The following NXN variants were observed in gnomAD, a reference collection of about 807,000 sequenced individuals.
The protein encoded by NXN is nucleoredoxin.
Under a neutral mutation model 48.6 loss-of-function variants are expected in NXN, and 16 were observed. That is an observed-to-expected ratio of 0.33 (90% CI 0.22 to 0.50). The LOEUF (loss-of-function observed/expected upper bound fraction) is 0.50. NXN is among the 20% of genes least tolerant of loss of function. NXN has a pLI of 0.98. For missense variants in NXN, 492 were observed against 605.5 expected (o/e 0.81, Z 1.97); for synonymous variants, 281 against 269.6 (o/e 1.04, Z -0.41).
intron 1 of NXN, among the ~76,000 whole-genome samples, chr17:886,482 G>A (rs1015202989): frequency 6.6e-6 from 1 of 152,150 alleles, no homozygotes. Context: ...CGCTCCACGG[G>A]AACCAACACC....
At chr17:844,113 C>A (rs990427559) in intron 1 of NXN, among the ~76,000 whole-genome samples, 6 of 149,686 alleles carry the variant, frequency 4.0e-5, no homozygotes, top group Non-Finnish European at 8.9e-5. Context: ...TGCCGTCCTG[C>A]CTCTCCTTAA....
chr17:951,581 G>A (rs2069111438), intron 1 of NXN, among the ~76,000 whole-genome samples: 1 of 151,108 alleles, frequency 6.6e-6, no homozygotes, highest in African/African-American at 2.4e-5. Context: ...GGGGGTTGGG[G>A]GCGGGAGGGT....
chr17:931,877 C>T (rs1446970904), intron 1 of NXN, among the ~76,000 whole-genome samples: 1 of 147,970 alleles, frequency 6.8e-6, no homozygotes, highest in Non-Finnish European at 1.5e-5. Context: ...GGCGCAGTGG[C>T]TCACGCCTGT....
In NXN at chr17:932,953, C is replaced by CA. The variant is rs55766590; in HGVS notation, c.360+46365_360+46366insT. On this transcript the variant is annotated intron_variant, in intron 1 of 7. Coordinates refer to ENST00000336868, the MANE Select transcript of NXN (RefSeq NM_022463.5). The surrounding 1 kb of genome is among the most constrained non-coding windows in gnomAD (Gnocchi z 4.1). ...GTGAGCCACCGCGCCCAGCCCAGCCCGTCCTCTTGAACCTGCTCAGTTTCA... is the reference window on the plus strand; with the variant it reads ...GTGAGCCACCGCGCCCAGCCCAGCCCAGTCCTCTTGAACCTGCTCAGTTTCA... Among the ~76,000 whole-genome samples the CA allele has an allele frequency of 2.5e-4, 38 of 152,262 alleles. No homozygotes were observed. The highest frequency in any genetic ancestry group is 7.2e-4 in the Admixed American group (11 of 15,288).
chr17:839,541 C>A (rs1202642289), intron 1 of NXN, among the ~76,000 whole-genome samples: 2 of 151,390 alleles, frequency 1.3e-5, no homozygotes, highest in African/African-American at 4.9e-5. Context: ...GTATGCACGG[C>A]AGCTCACGCC....
chr17:940,485 C>G (rs2068958997), intron 1 of NXN, among the ~76,000 whole-genome samples: 1 of 152,220 alleles, frequency 6.6e-6, no homozygotes, highest in African/African-American at 2.4e-5. Context: ...AACGCAATGT[C>G]TCTGTTAAAA....
chr17:802,475 T>G (rs1489329406), intron 7 of NXN, among the ~76,000 whole-genome samples: 1 of 152,216 alleles, frequency 6.6e-6, no homozygotes, highest in Non-Finnish European at 1.5e-5. Flanking sequence ...TGCGGCTCTG[T>G]GCCTGGCGTA....
intron 1 of NXN, among the ~76,000 whole-genome samples, chr17:894,562 C>T (rs1279178076): frequency 1.3e-5 from 1 of 78,386 alleles, no homozygotes; most frequent in Non-Finnish European, 2.6e-5. Flanking sequence ...TCTCAAACGC[C>T]CTGGAAGCCA....
At chr17:822,802 T>A in intron 3 of NXN, among the ~76,000 whole-genome samples, 1 of 152,066 alleles carries the variant, frequency 6.6e-6, no homozygotes, top group East Asian at 1.9e-4. Context: ...TCCACATGGA[T>A]TGAGAGAAAT....
At chr17:876,450 A>G (rs1567844266) in intron 1 of NXN, among the ~76,000 whole-genome samples, 1 of 152,184 alleles carries the variant, frequency 6.6e-6, no homozygotes, top group South Asian at 2.1e-4. Flanking sequence ...GCTCATGACC[A>G]CATCCCCTAT....
chr17:892,859 C>A (rs2068438179), intron 1 of NXN, among the ~76,000 whole-genome samples: 1 of 152,146 alleles, frequency 6.6e-6, no homozygotes, highest in South Asian at 2.1e-4. Context: ...AACAATAAAC[C>A]CTAAGGTAAG....
In NXN at chr17:805,110, C is replaced by A; in HGVS notation, c.958G>T (p.Ala320Ser). 6.2e-7 allele frequency: 1 copy of A among 1,609,548 alleles called. No individual in the cohort carries two copies. Among genetic ancestry groups the A allele is most frequent in the Non-Finnish European group, 8.5e-7 (1 of 1,178,562 alleles). ...CAGGGGCCCTCGTTAAGCTGCGCGGCGTTGGAGTCGGAGAGCTCCAGCACG... is the reference window on the plus strand; with the variant it reads ...CAGGGGCCCTCGTTAAGCTGCGCGGAGTTGGAGTCGGAGAGCTCCAGCACG... The part of the protein sequence containing the change: ...KPVLELSDSN[A>S]AQLNEGPCLV... The change falls in exon 6 of 8, where the codon GCC becomes TCC. Residue 320 changes from alanine (A) to serine (S), a missense_variant. By Grantham distance (99) the Ala-to-Ser change is moderately conservative. Transcript: ENST00000336868.
At chr17:834,454 G>A (rs1035697950) in intron 1 of NXN, among the ~76,000 whole-genome samples, 3 of 151,698 alleles carry the variant, frequency 2.0e-5, no homozygotes, top group African/African-American at 7.3e-5. Flanking sequence ...TTGCTCTGTT[G>A]CCCAGGCTGG....
chr17:860,348 T>C (rs1393934464), intron 1 of NXN, among the ~76,000 whole-genome samples: 9 of 134,702 alleles, frequency 6.7e-5, no homozygotes, highest in African/African-American at 2.5e-4. Context: ...GGTCTTGAAC[T>C]CCTGACCTCA....
chr17:893,301 T>C lies in NXN; in HGVS notation c.361-67223A>G, dbSNP rs1207849418. ...ACACTCCTCTGGGGGATAATCTTTT[T>C]AGGGGAGAAAGCATGGAGCCCAGTC... On this transcript the variant is annotated intron_variant, in intron 1 of 7. Transcript: ENST00000336868. 4.6e-5 allele frequency among the ~76,000 whole-genome samples: 7 copies of C among 152,304 alleles called. 1 individual carries two copies. The South Asian group carries it at 1.5e-3, about 32-fold the overall frequency.
At chr17:946,643 A>C (rs1597265036) in intron 1 of NXN, among the ~76,000 whole-genome samples, 1 of 152,360 alleles carries the variant, frequency 6.6e-6, no homozygotes, top group East Asian at 1.9e-4. Flanking sequence ...CAAAAGTCCC[A>C]AAACCACGCT....
intron 7 of NXN, among the ~76,000 whole-genome samples, chr17:801,848 G>A (rs189018826): frequency 6.6e-6 from 1 of 152,346 alleles, no homozygotes; most frequent in Non-Finnish European, 1.5e-5. Context: ...ACTCTGGAAT[G>A]TTTTTAAACA....
At chr17:976,768 CTTTT>C in intron 1 of NXN, among the ~76,000 whole-genome samples, 1 of 142,594 alleles carries the variant, frequency 7.0e-6, no homozygotes, top group African/African-American at 2.6e-5. Context: ...AAAATAATTC[CTTTT>C]TTTTTTTTTT....
chr17:976,527 C>T (rs567873792), intron 1 of NXN, among the ~76,000 whole-genome samples: 1 of 152,236 alleles, frequency 6.6e-6, no homozygotes, highest in Non-Finnish European at 1.5e-5. Context: ...AACAAAATTC[C>T]CTTCTCTAGA....
Sources: allele counts gnomAD v4.1 joint callset (sites outside exome capture counted in the v4.1 genomes callset), GRCh38; gene constraint gnomAD v4.1.1; non-coding constraint Gnocchi (gnomAD v3.1); transcripts MANE v1.5; gene names NCBI Gene and HGNC (gene_info 2026-07-23, HGNC 2026-07-21).